The following MAP2K5 variants were observed in gnomAD, a reference collection of about 807,000 sequenced individuals.
MAP2K5 encodes dual specificity mitogen-activated protein kinase kinase 5.
A neutral mutation model predicts 83.1 loss-of-function variants in MAP2K5; 49 were observed. The ratio of observed to expected loss-of-function variants is 0.59; its 90% CI spans 0.47 to 0.75. The LOEUF (loss-of-function observed/expected upper bound fraction) is 0.75, where lower values mean the gene tolerates loss of function less well. Among genes scored for constraint, MAP2K5 ranks in the 30% least tolerant of loss-of-function variants. MAP2K5 has a pLI of 0.00. For missense variants in MAP2K5, 457 were observed against 557.5 expected (o/e 0.82, Z 1.82); for synonymous variants, 202 against 191.8 (o/e 1.05, Z -0.44).
At chr15:67,806,342 T>C (rs1178065030) in intron 21 of MAP2K5, among the ~76,000 whole-genome samples, 2 of 152,162 alleles carry the variant, frequency 1.3e-5, no homozygotes, top group East Asian at 3.9e-4. Flanking sequence ...AGGCAGAGTG[T>C]GCAGCGAAGA....
chr15:67,798,405 C>A (rs2090642737), intron 21 of MAP2K5, among the ~76,000 whole-genome samples: 1 of 152,242 alleles, frequency 6.6e-6, no homozygotes, highest in Non-Finnish European at 1.5e-5. Context: ...CTTCCTCCGA[C>A]AAACTCATGA....
intron 3 of MAP2K5, among the ~76,000 whole-genome samples, chr15:67,568,898 C>T (rs1295352961): frequency 6.7e-6 from 1 of 149,164 alleles, no homozygotes. Context: ...CCCAGCTACT[C>T]GGGAGGCTGA....
rs2085377738 is a variant in MAP2K5, at chr15:67,590,442, C to CTCTCT, written c.432-2484_432-2483insTCTCT. 9.8e-3 allele frequency among the ~76,000 whole-genome samples: 57 copies of CTCTCT among 5,818 alleles called. 2 individuals carry two copies. The highest frequency in any genetic ancestry group is 0.019 in the African/African-American group (50 of 2,638). The allele number at this position is 5,818 out of a possible 152,430, so 3.8% of individuals were successfully genotyped here. A position where few individuals can be genotyped will look rare whatever the true frequency, so the allele number is the denominator to read the frequency against. ...CCCTCCCTCCCTCTCTCTCTCCCTC[C>CTCTCT]CTCCCTCTCTCTCTCTCTCTCTCTC... On this transcript the variant is annotated intron_variant, in intron 6 of 21. Transcript: ENST00000178640.
chr15:67,652,737 G>A lies in MAP2K5; in HGVS notation c.737-5816G>A, dbSNP rs2086981968. On this transcript the variant is annotated intron_variant, in intron 11 of 21. Coordinates refer to ENST00000178640, the MANE Select transcript of MAP2K5 (RefSeq NM_145160.3). The surrounding 1 kb of genome is among the most constrained non-coding windows in gnomAD (Gnocchi z 4.2). ...CAACTGTCACCACCATCCATCTGCA[G>A]AACTCTTTTTGTCTTGCAAAACTGA... Among the ~76,000 whole-genome samples, 1 of 152,138 alleles carries A rather than the reference G, an allele frequency of 6.6e-6. No homozygotes were observed.
chr15:67,691,122 C>A (rs1212898515), intron 13 of MAP2K5, among the ~76,000 whole-genome samples: 1 of 152,190 alleles, frequency 6.6e-6, no homozygotes, highest in Non-Finnish European at 1.5e-5. Context: ...TCATCAACCA[C>A]AATGTGTACT....
Position 67,642,316 on chromosome 15 carries a change from A to T in MAP2K5, c.586-3915A>T, listed in dbSNP as rs759321545. On this transcript the variant is annotated intron_variant, in intron 9 of 21. Coordinates refer to ENST00000178640, the MANE Select transcript of MAP2K5 (RefSeq NM_145160.3). ...CTTACTAGGCACTACTGTGAGTTAGACCCTGTGTGGAGTGCTGGGGGGGAT... is the reference window on the plus strand; with the variant it reads ...CTTACTAGGCACTACTGTGAGTTAGTCCCTGTGTGGAGTGCTGGGGGGGAT... The T allele has an allele frequency of 1.7e-4, 130 of 758,960 alleles. 2 individuals carry two copies. The highest frequency in any genetic ancestry group is 2.6e-4 in the Non-Finnish European group (123 of 476,318). 47.0% of individuals were successfully genotyped at this position (758,960 alleles called of 1,614,324 possible). A position where few individuals can be genotyped will look rare whatever the true frequency, so the allele number is the denominator to read the frequency against.
Position 67,573,687 on chromosome 15 carries a change from G to C in MAP2K5, c.253-7067G>C, listed in dbSNP as rs1443271349. Among the ~76,000 whole-genome samples the C allele has an allele frequency of 6.6e-6, 1 of 152,142 alleles. No homozygotes were observed. Among genetic ancestry groups the C allele is most frequent in the East Asian group, 1.9e-4 (1 of 5,192 alleles). On this transcript the variant is annotated intron_variant, in intron 3 of 21. Transcript: ENST00000178640. This position sits in a 1 kb window ranked among gnomAD's most constrained non-coding sequence, Gnocchi z 4.2. ...AGGATGTTTAGAGTTAAGGGAACAGGTTAATAGCATTTACCAAACAGATTC... is the reference window on the plus strand; with the variant it reads ...AGGATGTTTAGAGTTAAGGGAACAGCTTAATAGCATTTACCAAACAGATTC...
In MAP2K5 at chr15:67,640,694, C is replaced by G. The variant is rs1227472447; in HGVS notation, c.586-5537C>G. On this transcript the variant is annotated intron_variant, in intron 9 of 21. Transcript: ENST00000178640. This position sits in a 1 kb window ranked among gnomAD's most constrained non-coding sequence, Gnocchi z 4.6. Reference sequence around the variant, plus strand: ...AGTCCTTGAAAATCTGTTGCTTTTCCTACTCAAAATGTTTCTCATGTTATG... The same window carrying G: ...AGTCCTTGAAAATCTGTTGCTTTTCGTACTCAAAATGTTTCTCATGTTATG... The G allele has an allele frequency of 2.0e-6, 1 of 495,166 alleles. No individual in the cohort carries two copies. Among genetic ancestry groups the G allele is most frequent in the Non-Finnish European group, 2.6e-6 (1 of 382,164 alleles). 30.7% of individuals were successfully genotyped at this position (495,166 alleles called of 1,614,324 possible).
At chr15:67,713,909 G>A (rs2088762074) in intron 16 of MAP2K5, among the ~76,000 whole-genome samples, 1 of 152,208 alleles carries the variant, frequency 6.6e-6, no homozygotes, top group African/African-American at 2.4e-5. Flanking sequence ...GGATTAACCA[G>A]AATTCAGTTC....
chr15:67,603,848 A>G (rs994795594), intron 8 of MAP2K5, among the ~76,000 whole-genome samples: 1 of 152,246 alleles, frequency 6.6e-6, no homozygotes, highest in African/African-American at 2.4e-5. Context: ...ATTATAGGCT[A>G]TGCTACATAA....
rs547454108 is a variant in MAP2K5, at chr15:67,574,650, C to T, written c.253-6104C>T. On this transcript the variant is annotated intron_variant, in intron 3 of 21. Transcript: ENST00000178640. ...TTGGGAGGCCGAGGTGGGCGAATCA[C>T]GAAGTAAAGAGATCGAGACCATTCT... Among the ~76,000 whole-genome samples, 21 of 150,158 alleles carry T rather than the reference C, an allele frequency of 1.4e-4. No individual in the cohort carries two copies. In the East Asian group the frequency reaches 2.6e-3, roughly 19 times the overall value.
rs1878702 is a variant in MAP2K5, at chr15:67,665,036, G to C, written c.847+391G>C. Among the ~76,000 whole-genome samples, 149,508 of 152,320 alleles carry C rather than the reference G, an allele frequency of 0.98. 73,448 individuals carry two copies. Among genetic ancestry groups the C allele is most frequent in the Middle Eastern group, 1 (294 of 294 alleles). ...CCTTAAGAGATTGCTTCACATACTGGAAAGAAAAACTTTATTTTTAATTTT... is the reference window on the plus strand; with the variant it reads ...CCTTAAGAGATTGCTTCACATACTGCAAAGAAAAACTTTATTTTTAATTTT... On this transcript the variant is annotated intron_variant, in intron 13 of 21. Coordinates refer to ENST00000178640, the MANE Select transcript of MAP2K5 (RefSeq NM_145160.3). This position sits in a 1 kb window ranked among gnomAD's most constrained non-coding sequence, Gnocchi z 4.2.
intron 8 of MAP2K5, among the ~76,000 whole-genome samples, chr15:67,602,104 C>T (rs539605440): frequency 1.2e-4 from 19 of 152,208 alleles, no homozygotes; most frequent in Admixed American, 3.3e-4. Flanking sequence ...ATGATTTTTG[C>T]GGCTACTATT....
chr15:67,606,441 GGT>G (rs777703581), intron 8 of MAP2K5, among the ~76,000 whole-genome samples: 1 of 152,136 alleles, frequency 6.6e-6, no homozygotes, highest in Non-Finnish European at 1.5e-5. Context: ...CTGCCTTCAT[GGT>G]GTTTTGAAGG....
intron 15 of MAP2K5, 132 bp from the exon 16 acceptor site, chr15:67,703,205 A>T (rs991726185): frequency 1.6e-6 from 1 of 637,506 alleles, no homozygotes; most frequent in Admixed American, 2.7e-5. Flanking sequence ...ACACACATGT[A>T]AAATTGTTTT....
intron 1 of MAP2K5, among the ~76,000 whole-genome samples, chr15:67,544,486 C>G (rs919125143): frequency 2.6e-5 from 4 of 152,126 alleles, no homozygotes; most frequent in African/African-American, 7.2e-5. Context: ...AATGGCTTTT[C>G]CAAAGCTGTG....
At chr15:67,707,502 A>G (rs1467338081) in intron 16 of MAP2K5, among the ~76,000 whole-genome samples, 1 of 152,230 alleles carries the variant, frequency 6.6e-6, no homozygotes, top group Non-Finnish European at 1.5e-5. Context: ...TTCTCTTTCT[A>G]GTAGAAACTT....
chr15:67,680,379 G>A (rs970435011), intron 13 of MAP2K5, among the ~76,000 whole-genome samples: 1 of 152,088 alleles, frequency 6.6e-6, no homozygotes, highest in Admixed American at 6.6e-5. Context: ...GTAAATCATA[G>A]TTTATCAGGC....
chr15:67,685,872 T>C (rs1389523799), intron 13 of MAP2K5, among the ~76,000 whole-genome samples: 2 of 152,264 alleles, frequency 1.3e-5, no homozygotes, highest in Non-Finnish European at 2.9e-5. Flanking sequence ...AACACAGTCA[T>C]GGCCGTTCAT....
Sources: gnomAD v4.1 joint callset for allele counts (sites outside exome capture counted in the v4.1 genomes callset) on GRCh38, gnomAD v4.1.1 for gene constraint, Gnocchi (gnomAD v3.1) non-coding constraint, MANE v1.5 for transcripts, NCBI Gene and HGNC (gene_info 2026-07-23, HGNC 2026-07-21) for gene names.